FAM163A: variants seen among roughly 807,000 people sequenced by gnomAD.
FAM163A encodes family with sequence similarity 163 member A.
In FAM163A, 7 loss-of-function variants were observed where a neutral mutation model predicts 12.0. That is an observed-to-expected ratio of 0.58 (90% CI 0.33 to 1.10). The LOEUF (loss-of-function observed/expected upper bound fraction) is 1.10, where lower values mean the gene tolerates loss of function less well. Among genes scored for constraint, FAM163A ranks in the 50% least tolerant of loss-of-function variants. The pLI is 0.03. For synonymous variants in FAM163A, 101 were observed against 91.0 expected (o/e 1.11, Z -0.62); for missense variants, 202 against 218.6 (o/e 0.92, Z 0.48).
chr1:179,801,938 T>C (rs940627761), intron 1 of FAM163A, among the ~76,000 whole-genome samples: 1 of 152,160 alleles, frequency 6.6e-6, no homozygotes, highest in Non-Finnish European at 1.5e-5. Context: ...TACCTGTGTA[T>C]CAATAAATGC....
chr1:179,738,188 G>A, the FAM163A span, among the ~76,000 whole-genome samples: 1 of 152,212 alleles, frequency 6.6e-6, no homozygotes, highest in Non-Finnish European at 1.5e-5. Context: ...CTAGTGCTCT[G>A]TAGCACTTTA....
intron 1 of FAM163A, among the ~76,000 whole-genome samples, chr1:179,789,103 CA>C (rs1204317462): frequency 6.6e-6 from 1 of 152,246 alleles, no homozygotes; most frequent in African/African-American, 2.4e-5. Context: ...ATTAAAAACA[CA>C]ACTTGAAATA....
intron 2 of FAM163A, among the ~76,000 whole-genome samples, chr1:179,810,220 G>A (rs1694516909): frequency 1.3e-5 from 2 of 152,142 alleles, no homozygotes; most frequent in African/African-American, 4.8e-5. Context: ...CCCACCAAGC[G>A]GGATTTGAAG....
chr1:179,774,799 C>G (rs1201997517), intron 1 of FAM163A, among the ~76,000 whole-genome samples: 1 of 152,138 alleles, frequency 6.6e-6, no homozygotes, highest in Non-Finnish European at 1.5e-5. Context: ...CCATGCTGTC[C>G]CCACTGACCT....
chr1:179,765,270 C>T (rs1196457698), intron 1 of FAM163A, among the ~76,000 whole-genome samples: 1 of 152,238 alleles, frequency 6.6e-6, no homozygotes, highest in Non-Finnish European at 1.5e-5. Flanking sequence ...TGAACATGCA[C>T]ACACAGCACC....
intron 1 of FAM163A, among the ~76,000 whole-genome samples, chr1:179,806,053 A>AC (rs1693892031): frequency 6.6e-6 from 1 of 152,332 alleles, no homozygotes; most frequent in East Asian, 1.9e-4. Context: ...CCCTTGGGAT[A>AC]CATAGCTCAG....
At chr1:179,768,600 T>C (rs943160623) in intron 1 of FAM163A, among the ~76,000 whole-genome samples, 1 of 151,988 alleles carries the variant, frequency 6.6e-6, no homozygotes, top group African/African-American at 2.4e-5. Flanking sequence ...CTTATGTATA[T>C]GGACACTGGA....
At chr1:179,775,841 G>C (rs958355927) in intron 1 of FAM163A, among the ~76,000 whole-genome samples, 2 of 152,346 alleles carry the variant, frequency 1.3e-5, no homozygotes, top group Admixed American at 1.3e-4. Flanking sequence ...TGAAGAACAG[G>C]ACAAAGATAA....
chr1:179,809,904 C>T (rs1571596531), intron 2 of FAM163A, among the ~76,000 whole-genome samples: 1 of 152,164 alleles, frequency 6.6e-6, no homozygotes, highest in Non-Finnish European at 1.5e-5. Context: ...CCAAGAAACC[C>T]CTGAAGCATG....
At chr1:179,809,041 A>T (rs967441790) in intron 2 of FAM163A, among the ~76,000 whole-genome samples, 3 of 152,080 alleles carry the variant, frequency 2.0e-5, no homozygotes, top group African/African-American at 7.2e-5. Flanking sequence ...CTGGAAGTTG[A>T]GGCTGCAGTG....
At chr1:179,763,362 C>T (rs1359899040) in intron 1 of FAM163A, among the ~76,000 whole-genome samples, 6 of 152,126 alleles carry the variant, frequency 3.9e-5, no homozygotes, top group African/African-American at 1.4e-4. Context: ...ATCCTTATGC[C>T]AAAGAGGCAT....
chr1:179,751,211 G>A (rs993623913), intron 1 of FAM163A, among the ~76,000 whole-genome samples: 1 of 152,026 alleles, frequency 6.6e-6, no homozygotes, highest in Non-Finnish European at 1.5e-5. Flanking sequence ...TTGAAACCAT[G>A]GCATGGATGA....
chr1:179,800,471 G>A (rs1693000603), intron 1 of FAM163A, among the ~76,000 whole-genome samples: 1 of 152,236 alleles, frequency 6.6e-6, no homozygotes. Flanking sequence ...AAGCCTGATG[G>A]ATATGCCTAC....
At chr1:179,766,917 G>T (rs774670332) in intron 1 of FAM163A, among the ~76,000 whole-genome samples, 1 of 151,904 alleles carries the variant, frequency 6.6e-6, no homozygotes, top group East Asian at 1.9e-4. Context: ...CACCACGCTC[G>T]GCTAATTTTT....
At chr1:179,795,513 C>G (rs1692166403) in intron 1 of FAM163A, among the ~76,000 whole-genome samples, 1 of 152,232 alleles carries the variant, frequency 6.6e-6, no homozygotes, top group Admixed American at 6.5e-5. Context: ...CTCCCACACT[C>G]CCTTGCTCAC....
chr1:179,813,690 A>G, intron 4 of FAM163A, 89 bp from the exon 5 acceptor site: 4 of 1,455,284 alleles, frequency 2.7e-6, no homozygotes, highest in Non-Finnish European at 3.8e-6. Context: ...TCCATGGAGC[A>G]GGGGACAGGG....
chr1:179,729,058 T>C, the FAM163A span, among the ~76,000 whole-genome samples: 1 of 152,190 alleles, frequency 6.6e-6, no homozygotes. Context: ...ACGGACCCTT[T>C]TGTTTTTCTT....
At chr1:179,756,897 C>CG (rs1340187499) in intron 1 of FAM163A, among the ~76,000 whole-genome samples, 1 of 152,118 alleles carries the variant, frequency 6.6e-6, no homozygotes, top group Non-Finnish European at 1.5e-5. Flanking sequence ...AGGGGCAGTA[C>CG]GGGGGTCACT....
the FAM163A span, among the ~76,000 whole-genome samples, chr1:179,735,912 G>C: frequency 1.3e-5 from 2 of 152,196 alleles, no homozygotes; most frequent in African/African-American, 2.4e-5. Flanking sequence ...AAAGTACCAA[G>C]TCTATACAAT....
Sources: gnomAD v4.1 joint callset for allele counts (sites outside exome capture counted in the v4.1 genomes callset) on GRCh38, gnomAD v4.1.1 for gene constraint, MANE v1.5 for transcripts, NCBI Gene and HGNC (gene_info 2026-07-23, HGNC 2026-07-21) for gene names.